Variants in GLCCI1 observed in about 807,000 individuals in gnomAD.
GLCCI1 encodes glucocorticoid induced 1.
GLCCI1 carries 24 observed loss-of-function variants against 52.2 expected under a neutral mutation model. The ratio of observed to expected loss-of-function variants is 0.46; its 90% CI spans 0.33 to 0.65. The LOEUF (loss-of-function observed/expected upper bound fraction) is 0.65, where lower values mean the gene tolerates loss of function less well. Among genes scored for constraint, GLCCI1 ranks in the 30% least tolerant of loss-of-function variants. GLCCI1 has a pLI of 0.02. For synonymous variants in GLCCI1, 310 were observed against 276.5 expected (o/e 1.12, Z -1.20); for missense variants, 704 against 701.5 (o/e 1.00, Z -0.04).
At chr7:8,008,830 G>A (rs1355355014) in intron 2 of GLCCI1, among the ~76,000 whole-genome samples, 3 of 152,240 alleles carry the variant, frequency 2.0e-5, no homozygotes, top group Admixed American at 6.5e-5. Context: ...TAGATAGCTG[G>A]TGGAGTAAAT....
chr7:7,997,209 TTTTTTAAATTTATTTTGAA>T (rs1331848507), intron 1 of GLCCI1, among the ~76,000 whole-genome samples: 1 of 152,222 alleles, frequency 6.6e-6, no homozygotes, highest in Non-Finnish European at 1.5e-5. Flanking sequence ...TGTTACCTTT[TTTTTTAAATTTATTTTGAA>T]AATCATTGTC....
intron 1 of GLCCI1, among the ~76,000 whole-genome samples, chr7:7,996,965 A>G (rs1016870791): frequency 3.3e-5 from 5 of 152,184 alleles, no homozygotes; most frequent in African/African-American, 1.2e-4. Context: ...ACTTATCTGA[A>G]GTTCATTTGA....
At chr7:8,022,462 T>TTA (rs749782191) in intron 2 of GLCCI1, 21 bp from the exon 3 acceptor site, 17 of 1,333,200 alleles carry the variant, frequency 1.3e-5, no homozygotes, top group Admixed American at 2.4e-5. Flanking sequence ...CTTATTTTAT[T>TTA]TATATATATA....
chr7:8,082,449 C>G (rs900076635), intron 6 of GLCCI1, among the ~76,000 whole-genome samples: 10 of 152,106 alleles, frequency 6.6e-5, no homozygotes, highest in African/African-American at 2.4e-4. Context: ...CTAGATGTCT[C>G]CATTCCCTGA....
At chr7:8,024,837 A>G (rs1421445622) in intron 3 of GLCCI1, 1 of 152,234 alleles carries the variant, frequency 6.6e-6, no homozygotes, top group Admixed American at 6.5e-5. Flanking sequence ...CAAATTCGTG[A>G]TCTGGTGCTA....
intron 2 of GLCCI1, among the ~76,000 whole-genome samples, chr7:8,013,603 T>A (rs1781315020): frequency 6.6e-6 from 1 of 152,232 alleles, no homozygotes; most frequent in Non-Finnish European, 1.5e-5. Context: ...TCAGGGGAAT[T>A]GTTACCATAT....
chr7:8,022,349 C>T, intron 2 of GLCCI1, 134 bp from the exon 3 acceptor site: 1 of 350,512 alleles, frequency 2.9e-6, no homozygotes, highest in Non-Finnish European at 4.8e-6. Flanking sequence ...GGTCACAAAA[C>T]TCTTAGCGTT....
At chr7:8,003,323 G>A (rs1781082245) in intron 1 of GLCCI1, among the ~76,000 whole-genome samples, 1 of 152,134 alleles carries the variant, frequency 6.6e-6, no homozygotes, top group African/African-American at 2.4e-5. Context: ...AGAGTTCTAG[G>A]CTCAGGAAGT....
intron 1 of GLCCI1, among the ~76,000 whole-genome samples, chr7:7,984,976 C>A (rs1174832601): frequency 2.6e-5 from 4 of 152,182 alleles, no homozygotes; most frequent in Admixed American, 2.6e-4. Flanking sequence ...AAAAGTATTA[C>A]TTTAGTTATA....
chr7:8,086,427 C>G lies in GLCCI1; in HGVS notation c.1533C>G (p.Ser511Arg). 1 of 1,614,172 alleles carries G rather than the reference C, an allele frequency of 6.2e-7. No homozygotes were observed. The highest frequency in any genetic ancestry group is 1.1e-5 in the South Asian group (1 of 91,080). The change falls in exon 8 of 8, where the codon AGC (serine) becomes AGG (arginine). Residue 511 changes from serine to arginine, a missense_variant. By Grantham distance (110) the Ser-to-Arg change is moderately radical. Around this residue, in one of 3 missense-constraint regions of GLCCI1, gnomAD observed 149 missense variants for 152.9 expected, o/e 0.97. Transcript: ENST00000223145. The surrounding 1 kb of genome is among the most constrained non-coding windows in gnomAD (Gnocchi z 4.4). ...VSFTSLSDDT[S>R]TAGSMEASVQ... ...TTACGTCTCTTTCTGATGACACCAG[C>G]ACAGCGGGCTCCATGGAGGCCTCTG...
intron 3 of GLCCI1, among the ~76,000 whole-genome samples, chr7:8,030,448 T>C (rs1236259813): frequency 6.6e-6 from 1 of 152,058 alleles, no homozygotes; most frequent in Non-Finnish European, 1.5e-5. Context: ...CAAGAAACCA[T>C]TGGGGAAATT....
chr7:8,039,988 C>G (rs1332230024), intron 3 of GLCCI1, among the ~76,000 whole-genome samples: 2 of 115,930 alleles, frequency 1.7e-5, no homozygotes, highest in African/African-American at 6.7e-5. Context: ...CAGAGCAAGA[C>G]TCTGTCTCAA....
At chr7:8,065,848 C>T (rs1257189492) in intron 5 of GLCCI1, among the ~76,000 whole-genome samples, 2 of 151,926 alleles carry the variant, frequency 1.3e-5, no homozygotes, top group Non-Finnish European at 1.5e-5. Context: ...AGGATATTCA[C>T]CTGAAGTTTT....
At chr7:8,065,009 G>A (rs913424495) in intron 5 of GLCCI1, among the ~76,000 whole-genome samples, 3 of 152,098 alleles carry the variant, frequency 2.0e-5, no homozygotes, top group Admixed American at 6.5e-5. Flanking sequence ...GAGCCACCGC[G>A]CCTGGCCAGT....
rs776365304 is a variant in GLCCI1, at chr7:8,086,452, G to T, written c.1558G>T (p.Val520Phe). Residue 520 changes from valine (V) to phenylalanine (F), a missense_variant, in exon 8 of 8, where the codon GTC becomes TTC. By Grantham distance (50) the Val-to-Phe change is conservative (BLOSUM62 -1). This residue lies in a region of GLCCI1 where 149 missense variants were observed against 152.9 expected (regional missense o/e 0.97). Transcript: ENST00000223145. This position sits in a 1 kb window ranked among gnomAD's most constrained non-coding sequence, Gnocchi z 4.4. ...TSTAGSMEAS[V>F]QQPSQQQQLL... ...CACAGCGGGCTCCATGGAGGCCTCTGTCCAGCAGCCATCCCAGCAGCAGCA... is the reference window on the plus strand; with the variant it reads ...CACAGCGGGCTCCATGGAGGCCTCTTTCCAGCAGCCATCCCAGCAGCAGCA... The T allele has an allele frequency of 6.2e-7, 1 of 1,614,170 alleles. No individual in the cohort carries two copies. The highest frequency in any genetic ancestry group is 1.1e-5 in the South Asian group (1 of 91,072).
chr7:8,078,655 G>A (rs1782925052), intron 6 of GLCCI1: 2 of 152,110 alleles, frequency 1.3e-5, no homozygotes, highest in South Asian at 2.1e-4. Context: ...CAGGTATAGG[G>A]CAAAGATGAG....
At chr7:8,066,213 T>A (rs555708771) in intron 5 of GLCCI1, among the ~76,000 whole-genome samples, 3 of 152,206 alleles carry the variant, frequency 2.0e-5, no homozygotes, top group Admixed American at 2.0e-4. Context: ...TCTCTGAGGG[T>A]TTTTTAATAT....
At chr7:8,082,677 A>AC (rs200860036) in intron 6 of GLCCI1, among the ~76,000 whole-genome samples, 2 of 152,192 alleles carry the variant, frequency 1.3e-5, no homozygotes, top group Non-Finnish European at 2.9e-5. Context: ...TAACATTAAT[A>AC]CCCCCAAAAA....
At chr7:8,004,148 C>A in intron 2 of GLCCI1, 89 bp downstream of exon 2, 2 of 1,201,224 alleles carry the variant, frequency 1.7e-6, no homozygotes, top group Non-Finnish European at 2.3e-6. Flanking sequence ...TCAAATTTCC[C>A]CAAATTTGAA....
Sources: gnomAD v4.1 joint callset for allele counts (sites outside exome capture counted in the v4.1 genomes callset) on GRCh38, gnomAD v4.1.1 for gene constraint, gnomAD v4.1.1 regional missense constraint, Gnocchi (gnomAD v3.1) non-coding constraint, MANE v1.5 for transcripts, NCBI Gene and HGNC (gene_info 2026-07-23, HGNC 2026-07-21) for gene names.